Variants in VWF observed in about 807,000 individuals in gnomAD.
VWF encodes the protein von Willebrand factor.
A neutral mutation model predicts 308.6 loss-of-function variants in VWF; 176 were observed. The observed-to-expected ratio is 0.57, with a 90% CI of 0.50 to 0.65. The LOEUF (loss-of-function observed/expected upper bound fraction) is 0.65. Among genes scored for constraint, VWF ranks in the 30% least tolerant of loss-of-function variants. VWF has a pLI of 0.00. For synonymous variants in VWF, 1,385 were observed against 1,443.4 expected, an observed-to-expected ratio of 0.96 and a Z score of 0.92; for missense variants, 3,146 against 3,648.2, an observed-to-expected ratio of 0.86 and a Z score of 3.55.
intron 6 of VWF, 77 bp downstream of exon 6, chr12:6,095,383 A>G: frequency 1.2e-6 from 2 of 1,608,452 alleles, no homozygotes; most frequent in Non-Finnish European, 1.7e-6. Context: ...ATGGAAGGAT[A>G]TGAGACTGAG....
At chr12:6,051,121 T>TA (rs1565844192) in intron 16 of VWF, among the ~76,000 whole-genome samples, 1 of 152,124 alleles carries the variant, frequency 6.6e-6, no homozygotes, top group Non-Finnish European at 1.5e-5. Context: ...ACAGCTTTTT[T>TA]AAAAAACTAT....
intron 13 of VWF, among the ~76,000 whole-genome samples, chr12:6,061,736 T>A (rs989836956): frequency 1.3e-5 from 2 of 152,228 alleles, no homozygotes; most frequent in Admixed American, 1.3e-4. Flanking sequence ...TCCCTGAGAC[T>A]TTCAAGGGGT....
intron 34 of VWF, among the ~76,000 whole-genome samples, chr12:6,009,776 C>G (rs1298704043): frequency 1.3e-5 from 2 of 152,128 alleles, no homozygotes; most frequent in Non-Finnish European, 2.9e-5. Flanking sequence ...TATATACATG[C>G]AATGGAATAC....
intron 22 of VWF, among the ~76,000 whole-genome samples, chr12:6,028,925 G>A (rs544220254): frequency 2.0e-5 from 3 of 152,288 alleles, no homozygotes; most frequent in East Asian, 3.9e-4. Flanking sequence ...AACCTTAAAT[G>A]TAAATGGGCT....
intron 20 of VWF, among the ~76,000 whole-genome samples, chr12:6,031,802 C>G (rs1007049883): frequency 2.6e-4 from 31 of 120,798 alleles, no homozygotes; most frequent in African/African-American, 9.4e-4. Context: ...GAGCCAGGTG[C>G]CTGCAGTGAG....
chr12:5,949,219 G>C lies in VWF; in HGVS notation c.8254-16C>G. 3 of 1,612,350 alleles carry C rather than the reference G, an allele frequency of 1.9e-6. No homozygotes were observed. The highest frequency in any genetic ancestry group is 1.7e-6 in the Non-Finnish European group (2 of 1,179,876). On this transcript the variant is annotated splice_polypyrimidine_tract_variant and intron_variant, in intron 51 of 51. Coordinates refer to ENST00000261405, the MANE Select transcript of VWF (RefSeq NM_000552.5). ...CACATTTGCCCTGCAAGAAAGCAGA[G>C]GAAGATGGGAGCTTCACAATGGTGG...
chr12:5,994,341 A>G (rs150161959), intron 36 of VWF, 74 bp downstream of exon 36: 1 of 1,598,930 alleles, frequency 6.3e-7, no homozygotes, highest in African/African-American at 1.3e-5. Flanking sequence ...AGCATCCAAG[A>G]GCCTCAGAGT....
At chr12:6,099,370 T>G (rs1182463724) in intron 5 of VWF, among the ~76,000 whole-genome samples, 1 of 149,582 alleles carries the variant, frequency 6.7e-6, no homozygotes, top group Admixed American at 6.7e-5. Context: ...GTTAACCTAG[T>G]CTAAGTTCTG....
chr12:5,983,521 T>TAGATAGATAGATAGATAGA (rs1677383814), intron 40 of VWF, among the ~76,000 whole-genome samples: 2 of 136,576 alleles, frequency 1.5e-5, no homozygotes, highest in Non-Finnish European at 3.3e-5. Context: ...ACTAGGTACA[T>TAGATAGATAGATAGATAGA]TAGATAGATA....
chr12:6,029,334 C>A lies in VWF; in HGVS notation c.2967+8G>T, dbSNP rs775137581. 6.2e-7 allele frequency: 1 copy of A among 1,613,890 alleles called. No individual in the cohort carries two copies. The highest frequency in any genetic ancestry group is 8.5e-7 in the Non-Finnish European group (1 of 1,180,038). On this transcript the variant is annotated splice_region_variant and intron_variant, in intron 22 of 51. Coordinates refer to ENST00000261405, the MANE Select transcript of VWF (RefSeq NM_000552.5). Reference sequence around the variant, plus strand: ...TCCCCAACAAGATGAAGCAAGAAAGCCACTGACCTGGTATGTCTGCTTCAG... The same window carrying A: ...TCCCCAACAAGATGAAGCAAGAAAGACACTGACCTGGTATGTCTGCTTCAG...
intron 31 of VWF, among the ~76,000 whole-genome samples, chr12:6,015,493 C>T (rs1944045862): frequency 6.6e-6 from 1 of 151,936 alleles, no homozygotes; most frequent in Non-Finnish European, 1.5e-5. Flanking sequence ...TCCACTCACC[C>T]AGACCTTCTT....
chr12:6,031,904 C>T (rs1439360428), intron 20 of VWF, among the ~76,000 whole-genome samples: 3 of 152,156 alleles, frequency 2.0e-5, no homozygotes, highest in African/African-American at 7.2e-5. Flanking sequence ...TTGCCTAGAG[C>T]CCATTAGAGT....
rs761452380 is a variant in VWF at position 6,006,649 on chromosome 12, C to T, written c.5842+4968G>A. ...AAAAAATTAGCCAGGCATGGTGGCA[C>T]GTGCTTGTAGTTCCAGCTACTTAGG... On this transcript the variant is annotated intron_variant, in intron 34 of 51. Coordinates refer to ENST00000261405, the MANE Select transcript of VWF (RefSeq NM_000552.5). Among the ~76,000 whole-genome samples the T allele has an allele frequency of 2.3e-4, 35 of 151,888 alleles. 1 individual carries two copies. The highest frequency in any genetic ancestry group is 4.1e-4 in the Non-Finnish European group (28 of 67,984).
intron 7 of VWF, among the ~76,000 whole-genome samples, 190 bp from the exon 8 acceptor site, chr12:6,073,931 T>A (rs1353406919): frequency 6.6e-6 from 1 of 152,032 alleles, no homozygotes. Flanking sequence ...GATGAACATC[T>A]TCCATCTTGT....
intron 18 of VWF, among the ~76,000 whole-genome samples, chr12:6,040,232 TAAAG>T (rs1944382607): frequency 1.3e-5 from 2 of 152,212 alleles, no homozygotes; most frequent in South Asian, 4.2e-4. Context: ...TATTCTAACT[TAAAG>T]AGATGGATGC....
At chr12:6,105,059 A>G (rs1240496552) in intron 5 of VWF, among the ~76,000 whole-genome samples, 1 of 152,174 alleles carries the variant, frequency 6.6e-6, no homozygotes, top group Non-Finnish European at 1.5e-5. Flanking sequence ...ACACAGACAG[A>G]AAGAGTAGAA....
intron 42 of VWF, 83 bp from the exon 43 acceptor site, chr12:5,976,343 T>A: frequency 6.3e-7 from 1 of 1,580,426 alleles, no homozygotes. Context: ...CAGAAGCCGC[T>A]CTAAGTGCTG....
chr12:5,953,148 A>T (rs2136339965), intron 48 of VWF, among the ~76,000 whole-genome samples: 1 of 151,926 alleles, frequency 6.6e-6, no homozygotes, highest in South Asian at 2.1e-4. Flanking sequence ...AATCGCTTGA[A>T]CCCAGGAGGC....
At chr12:5,984,208 C>T (rs1943651010) in intron 40 of VWF, among the ~76,000 whole-genome samples, 1 of 152,138 alleles carries the variant, frequency 6.6e-6, no homozygotes, top group Admixed American at 6.5e-5. Context: ...GCAAAGTGCC[C>T]GGCACATTGT....
Sources: gnomAD v4.1 joint callset for allele counts (sites outside exome capture counted in the v4.1 genomes callset) on GRCh38, gnomAD v4.1.1 for gene constraint, MANE v1.5 for transcripts, NCBI Gene and HGNC (gene_info 2026-07-23, HGNC 2026-07-21) for gene names.